CDK5RAP2: variants seen among roughly 807,000 people sequenced by gnomAD.
CDK5RAP2 encodes CDK5 regulatory subunit associated protein 2, also known as CDK5 regulatory subunit-associated protein 2.
Under a neutral mutation model 232.9 loss-of-function variants are expected in CDK5RAP2, and 147 were observed. The ratio of observed to expected loss-of-function variants is 0.63; its 90% CI spans 0.55 to 0.72. The LOEUF (loss-of-function observed/expected upper bound fraction) is 0.72, where lower values mean the gene tolerates loss of function less well. Ranked by LOEUF, CDK5RAP2 falls within the 30% of genes least tolerant of loss-of-function variation. The probability of loss-of-function intolerance (pLI) is 0.00; values close to 1 mark genes in which losing one functional copy is unlikely to be tolerated. For synonymous variants in CDK5RAP2, 833 were observed against 833.7 expected (o/e 1.00, Z 0.01); for missense variants, 2,195 against 2,231.5 (o/e 0.98, Z 0.33).
intron 25 of CDK5RAP2, among the ~76,000 whole-genome samples, chr9:120,436,247 C>T (rs1399244467): frequency 6.6e-6 from 1 of 152,148 alleles, no homozygotes; most frequent in Non-Finnish European, 1.5e-5. Flanking sequence ...CCAATTTAAT[C>T]TAATCATGAA....
At chr9:120,400,003 C>T (rs938768246) in intron 35 of CDK5RAP2, among the ~76,000 whole-genome samples, 1 of 152,202 alleles carries the variant, frequency 6.6e-6, no homozygotes, top group African/African-American at 2.4e-5. Context: ...TCCCTTCTGC[C>T]TTCCTACTGG....
intron 4 of CDK5RAP2, among the ~76,000 whole-genome samples, chr9:120,547,120 G>C (rs1024875760): frequency 2.1e-4 from 32 of 151,798 alleles, no homozygotes; most frequent in African/African-American, 7.7e-4. Flanking sequence ...CGAGTAGCTG[G>C]GATTATAGTA....
At chr9:120,518,196 T>A (rs2040430709) in intron 12 of CDK5RAP2, among the ~76,000 whole-genome samples, 1 of 104,556 alleles carries the variant, frequency 9.6e-6, no homozygotes, top group South Asian at 4.2e-4. Flanking sequence ...TGTGTGTGTG[T>A]GTGTGTGTGT....
At chr9:120,538,409 G>T (rs1476991725) in intron 6 of CDK5RAP2, among the ~76,000 whole-genome samples, 2 of 152,122 alleles carry the variant, frequency 1.3e-5, no homozygotes, top group African/African-American at 4.8e-5. Context: ...AAGGAGACAG[G>T]ATTTTTTAGC....
At chr9:120,441,527 C>T (rs762960185) in intron 23 of CDK5RAP2, among the ~76,000 whole-genome samples, 25 of 152,274 alleles carry the variant, frequency 1.6e-4, no homozygotes, top group Non-Finnish European at 3.2e-4. Flanking sequence ...TGCCCTTCAC[C>T]GGAGGCGTGC....
chr9:120,468,621 C>A (rs552152960), intron 17 of CDK5RAP2, among the ~76,000 whole-genome samples: 40 of 152,228 alleles, frequency 2.6e-4, no homozygotes, highest in Admixed American at 5.2e-4. Context: ...ACAATGAGGA[C>A]ATGAAATACA....
intron 28 of CDK5RAP2, among the ~76,000 whole-genome samples, chr9:120,413,815 G>A (rs1190644562): frequency 8.0e-6 from 1 of 124,248 alleles, no homozygotes; most frequent in East Asian, 2.6e-4. Flanking sequence ...AGCGAGGAGG[G>A]AGGAGGGAGG....
intron 1 of CDK5RAP2, among the ~76,000 whole-genome samples, chr9:120,579,264 G>A (rs2043152107): frequency 6.6e-6 from 1 of 152,196 alleles, no homozygotes; most frequent in African/African-American, 2.4e-5. Flanking sequence ...TATGTGGCAG[G>A]CACTACACCT....
chr9:120,514,516 A>T (rs1452713451), intron 12 of CDK5RAP2, among the ~76,000 whole-genome samples: 1 of 152,210 alleles, frequency 6.6e-6, no homozygotes, highest in African/African-American at 2.4e-5. Context: ...TTCTGCAGTA[A>T]ATCGGGAAGA....
chr9:120,520,835 G>T (rs10984939), intron 11 of CDK5RAP2, among the ~76,000 whole-genome samples: 1 of 150,366 alleles, frequency 6.7e-6, no homozygotes. Flanking sequence ...TCTCATATGA[G>T]CTGTATCTCA....
chr9:120,400,643 G>GTGGGCACCATT, intron 35 of CDK5RAP2, 99 bp downstream of exon 35: 1 of 1,445,990 alleles, frequency 6.9e-7, no homozygotes, highest in Non-Finnish European at 9.7e-7. Flanking sequence ...ACCCCAAATG[G>GTGGGCACCATT]TGGGCACATC....
chr9:120,460,465 T>C, intron 19 of CDK5RAP2, 107 bp downstream of exon 19: 1 of 995,978 alleles, frequency 1.0e-6, no homozygotes, highest in Non-Finnish European at 1.6e-6. Context: ...AGGTACAGGA[T>C]ATAGGCAGAA....
chr9:120,483,924 A>G (rs1177496472), intron 14 of CDK5RAP2, among the ~76,000 whole-genome samples: 1 of 152,204 alleles, frequency 6.6e-6, no homozygotes, highest in Non-Finnish European at 1.5e-5. Context: ...GATGGTGTCT[A>G]TTTCAGTAGC....
In CDK5RAP2 at chr9:120,557,769, T is replaced by TTC. The variant is rs1491538459; in HGVS notation, c.196-6868_196-6867insGA. Among the ~76,000 whole-genome samples the TTC allele has an allele frequency of 7.1e-4, 81 of 114,398 alleles. 1 individual carries two copies. Among genetic ancestry groups the TTC allele is most frequent in the African/African-American group, 2.1e-3 (62 of 29,106 alleles). The allele number at this position is 114,398 out of a possible 152,430, so 75.0% of individuals were successfully genotyped here. A position where few individuals can be genotyped will look rare whatever the true frequency, so the allele number is the denominator to read the frequency against. Reference sequence around the variant, plus strand: ...GTGAGACCCTCTGTCAAAAAAAAACTTTTTTTTTTTTTTTTGAGACAGTCT... The same window carrying TTC: ...GTGAGACCCTCTGTCAAAAAAAAACTTCTTTTTTTTTTTTTTTGAGACAGTCT... On this transcript the variant is annotated intron_variant, in intron 3 of 37. Transcript: ENST00000349780.
At chr9:120,491,242 G>A in intron 13 of CDK5RAP2, 65 bp downstream of exon 13, 1 of 1,183,576 alleles carries the variant, frequency 8.4e-7, no homozygotes, top group East Asian at 2.3e-5. Context: ...TTCTGCAAAA[G>A]AATTATTTTT....
chr9:120,549,924 CT>C (rs1396550906), intron 4 of CDK5RAP2, among the ~76,000 whole-genome samples: 2 of 152,184 alleles, frequency 1.3e-5, no homozygotes, highest in Admixed American at 1.3e-4. Flanking sequence ...AGCACAATCC[CT>C]CTTCAAGACA....
chr9:120,551,418 T>C (rs866933906), intron 3 of CDK5RAP2, among the ~76,000 whole-genome samples: 1 of 152,212 alleles, frequency 6.6e-6, no homozygotes, highest in Admixed American at 6.5e-5. Context: ...CCTTACAATT[T>C]AGGAAACTTG....
chr9:120,456,841 A>AGTGGTGCTCT (rs1384197017), intron 20 of CDK5RAP2, among the ~76,000 whole-genome samples: 27 of 152,366 alleles, frequency 1.8e-4, no homozygotes, highest in South Asian at 1.2e-3. Flanking sequence ...GAAAGAGGCC[A>AGTGGTGCTCT]TTATAATATA....
chr9:120,456,455 G>A (rs1176073092), intron 20 of CDK5RAP2, among the ~76,000 whole-genome samples: 1 of 152,168 alleles, frequency 6.6e-6, no homozygotes, highest in African/African-American at 2.4e-5. Flanking sequence ...TGAGGGGAGA[G>A]AGAAGGCCCT....
Sources: gnomAD v4.1 joint callset for allele counts (sites outside exome capture counted in the v4.1 genomes callset) on GRCh38, gnomAD v4.1.1 for gene constraint, MANE v1.5 for transcripts, NCBI Gene and HGNC (gene_info 2026-07-23, HGNC 2026-07-21) for gene names.